Variants in SGCD observed in about 807,000 individuals in gnomAD.
The protein encoded by SGCD is sarcoglycan delta.
SGCD carries 18 observed loss-of-function variants against 36.6 expected under a neutral mutation model. That is an observed-to-expected ratio of 0.49 (90% CI 0.34 to 0.73). SGCD has a LOEUF of 0.73. SGCD is among the 30% of genes least tolerant of loss of function. SGCD has a pLI of 0.01. For missense variants in SGCD, 387 were observed against 346.7 expected, an observed-to-expected ratio of 1.12 and a Z score of -0.92; for synonymous variants, 133 against 130.6, an observed-to-expected ratio of 1.02 and a Z score of -0.12.
the SGCD span, among the ~76,000 whole-genome samples, chr5:155,811,069 G>C: frequency 6.6e-6 from 1 of 151,590 alleles, no homozygotes; most frequent in African/African-American, 2.4e-5. Context: ...CGCCCGCCTC[G>C]GCCTCCCAAA....
the SGCD span, among the ~76,000 whole-genome samples, chr5:155,847,169 A>G: frequency 6.6e-6 from 1 of 152,176 alleles, no homozygotes; most frequent in Non-Finnish European, 1.5e-5. Context: ...GTGTGTCTTC[A>G]AGTGCATGTG....
At chr5:156,154,697 G>A (rs774049713) in intron 3 of SGCD, among the ~76,000 whole-genome samples, 7 of 151,648 alleles carry the variant, frequency 4.6e-5, no homozygotes, top group Non-Finnish European at 1.0e-4. Flanking sequence ...TGGCTGACAG[G>A]TAAAGTAGTT....
chr5:156,479,680 A>T (rs1755340339), intron 3 of SGCD, among the ~76,000 whole-genome samples: 1 of 152,204 alleles, frequency 6.6e-6, no homozygotes, highest in Non-Finnish European at 1.5e-5. Context: ...TGAAGAGTAG[A>T]AGAAAGAAGA....
Position 156,612,543 on chromosome 5 carries a change from G to A in SGCD, c.502+17492G>A, listed in dbSNP as rs531985013. Among the ~76,000 whole-genome samples the A allele has an allele frequency of 3.9e-5, 6 of 152,370 alleles. 1 individual carries two copies. Among genetic ancestry groups the A allele is most frequent in the South Asian group, 4.1e-4 (2 of 4,830 alleles). ...GTTGGACTGGACATGTGCAGGTACA[G>A]CAAGTCAGCCAGCTGTGTGTCACCT... On this transcript the variant is annotated intron_variant, in intron 6 of 8. Transcript: ENST00000337851.
intron 3 of SGCD, among the ~76,000 whole-genome samples, chr5:156,430,365 T>C (rs186090391): frequency 1.4e-3 from 210 of 152,188 alleles, no homozygotes; most frequent in African/African-American, 4.9e-3. Context: ...AAGTTTTGAT[T>C]TTTTTTCTAC....
rs148008373 is a variant in SGCD, at chr5:156,360,570, G to T, written c.192+15893G>T. ...ACTGTAGTGTCCACCTTTGAGTGCT[G>T]TCTTCACTTTAACCTTTATTGCATA... On this transcript the variant is annotated intron_variant, in intron 3 of 8. Coordinates refer to ENST00000337851, the MANE Select transcript of SGCD (RefSeq NM_000337.6). Among the ~76,000 whole-genome samples the T allele has an allele frequency of 5.3e-5, 8 of 152,144 alleles. No individual in the cohort carries two copies. In the East Asian group the frequency reaches 1.5e-3, roughly 29 times the overall value.
chr5:155,748,557 G>A, the SGCD span, among the ~76,000 whole-genome samples: 2 of 152,116 alleles, frequency 1.3e-5, no homozygotes, highest in Non-Finnish European at 2.9e-5. Flanking sequence ...AATCTGGGGT[G>A]TGGTCAGAGT....
At chr5:156,258,535 G>A (rs1450986936) in intron 3 of SGCD, among the ~76,000 whole-genome samples, 2 of 152,030 alleles carry the variant, frequency 1.3e-5, no homozygotes, top group Non-Finnish European at 2.9e-5. Flanking sequence ...AAATAGCCAC[G>A]ATTGTCTAAA....
chr5:156,487,908 AT>A (rs1755763533), intron 3 of SGCD, among the ~76,000 whole-genome samples: 1 of 147,956 alleles, frequency 6.8e-6, no homozygotes, highest in South Asian at 2.1e-4. Flanking sequence ...AGAAAAAAAA[AT>A]ACAAAGAATT....
At chr5:156,179,620 C>CTTT (rs570830321) in intron 3 of SGCD, among the ~76,000 whole-genome samples, 2,969 of 135,406 alleles carry the variant, frequency 0.022, 49 homozygotes, top group African/African-American at 0.033. Context: ...AATTTTCCAA[C>CTTT]TTTTTTTTTT....
intron 1 of SGCD, among the ~76,000 whole-genome samples, chr5:155,896,160 G>A (rs1315293128): frequency 6.6e-6 from 1 of 152,106 alleles, no homozygotes; most frequent in East Asian, 1.9e-4. Context: ...TTTTCAGTTT[G>A]GGTAAGTCGA....
chr5:155,957,689 A>G (rs57370050), intron 1 of SGCD, among the ~76,000 whole-genome samples: 39,440 of 152,012 alleles, frequency 0.26, 6,047 homozygotes, highest in Admixed American at 0.4. Flanking sequence ...TGCACACCTA[A>G]GGACCCTTGT....
the SGCD span, among the ~76,000 whole-genome samples, chr5:155,786,144 CAAT>C: frequency 2.6e-5 from 4 of 152,106 alleles, no homozygotes; most frequent in Admixed American, 2.6e-4. Flanking sequence ...GCTCCATTTG[CAAT>C]AATATCTCCT....
chr5:156,097,565 A>G (rs944579780), intron 1 of SGCD, among the ~76,000 whole-genome samples: 3 of 151,782 alleles, frequency 2.0e-5, no homozygotes, highest in African/African-American at 7.3e-5. Context: ...TATAATTTCC[A>G]TTTGATTCTG....
At chr5:156,190,307 A>C (rs528055883) in intron 3 of SGCD, among the ~76,000 whole-genome samples, 48 of 152,190 alleles carry the variant, frequency 3.2e-4, no homozygotes, top group Admixed American at 5.9e-4. Context: ...TATTTGCTAA[A>C]TAATTCAAAA....
At chr5:156,189,736 G>T in intron 3 of SGCD, among the ~76,000 whole-genome samples, 3 of 152,120 alleles carry the variant, frequency 2.0e-5, no homozygotes, top group African/African-American at 7.2e-5. Flanking sequence ...CTGTTAGATT[G>T]TATTTTGTGC....
chr5:156,372,350 G>A (rs1770428444), intron 3 of SGCD, among the ~76,000 whole-genome samples: 1 of 152,164 alleles, frequency 6.6e-6, no homozygotes, highest in Non-Finnish European at 1.5e-5. Flanking sequence ...ACAGATATGT[G>A]ATGCAATAAG....
At chr5:155,738,888 TGTGA>T in the SGCD span, among the ~76,000 whole-genome samples, 6 of 149,700 alleles carry the variant, frequency 4.0e-5, no homozygotes, top group Admixed American at 6.7e-5. Flanking sequence ...AGAGAGTGTG[TGTGA>T]GTGTGTGAGA....
the SGCD span, among the ~76,000 whole-genome samples, chr5:155,810,739 T>A: frequency 6.9e-6 from 1 of 144,630 alleles, no homozygotes; most frequent in Non-Finnish European, 1.5e-5. Flanking sequence ...CTCGAAAATA[T>A]CAATCATGAT....
Sources: gnomAD v4.1 joint callset for allele counts (sites outside exome capture counted in the v4.1 genomes callset) on GRCh38, gnomAD v4.1.1 for gene constraint, MANE v1.5 for transcripts, NCBI Gene and HGNC (gene_info 2026-07-23, HGNC 2026-07-21) for gene names.